The following CUL5 variants were observed in gnomAD, a reference collection of about 807,000 sequenced individuals.
The protein encoded by CUL5 is cullin-5.
CUL5 carries 26 observed loss-of-function variants against 108.8 expected under a neutral mutation model. That is an observed-to-expected ratio of 0.24 (90% CI 0.18 to 0.33). The LOEUF (loss-of-function observed/expected upper bound fraction) is 0.33. Ranked by LOEUF, CUL5 falls within the 10% of genes least tolerant of loss-of-function variation. The pLI is 1.00. For synonymous variants in CUL5, 334 were observed against 298.0 expected, an observed-to-expected ratio of 1.12 and a Z score of -1.25; for missense variants, 524 against 909.2, an observed-to-expected ratio of 0.58 and a Z score of 5.45.
At chr11:108,094,702 T>G in intron 14 of CUL5, 110 bp from the exon 15 acceptor site, 2 of 954,658 alleles carry the variant, frequency 2.1e-6, no homozygotes, top group South Asian at 4.0e-5. Flanking sequence ...AGGACACTTT[T>G]AACAAAATCT....
chr11:108,051,526 A>G (rs1863220417), intron 4 of CUL5, among the ~76,000 whole-genome samples: 1 of 152,248 alleles, frequency 6.6e-6, no homozygotes, highest in Non-Finnish European at 1.5e-5. Flanking sequence ...TCCCAGGTAT[A>G]GAATGAGTGT....
chr11:108,066,887 A>T (rs1863697536), intron 7 of CUL5, among the ~76,000 whole-genome samples: 1 of 152,206 alleles, frequency 6.6e-6, no homozygotes, highest in South Asian at 2.1e-4. Flanking sequence ...TTAGGTATAT[A>T]GTTTATGGGT....
Position 108,058,358 on chromosome 11 carries a change from C to T in CUL5, c.780+3403C>T, listed in dbSNP as rs370900898. ...CTGCTTCCCAGGTTCATGTGATTCT[C>T]ATGCCTCAGCCTCCCGAGTAGCTGG... On this transcript the variant is annotated intron_variant, in intron 7 of 18. Transcript: ENST00000393094. Among the ~76,000 whole-genome samples, 3 of 137,938 alleles carry T rather than the reference C, an allele frequency of 2.2e-5. No homozygotes were observed. In the East Asian group the frequency reaches 7.6e-4, roughly 35 times the overall value. The allele number at this position is 137,938 out of a possible 152,430, so 90.5% of individuals were successfully genotyped here. A position where few individuals can be genotyped will look rare whatever the true frequency, so the allele number is the denominator to read the frequency against.
chr11:108,070,691 TA>T lies in CUL5; in HGVS notation c.874+513del, dbSNP rs35066482. Reference sequence around the variant, plus strand: ...GAGAGGTAGCAAGTATATAACAAACTAAAAAAAAAAATTGTACATATACCTA... The same window carrying T: ...GAGAGGTAGCAAGTATATAACAAACTAAAAAAAAAATTGTACATATACCTA... On this transcript the variant is annotated intron_variant, in intron 8 of 18. Coordinates refer to ENST00000393094, the MANE Select transcript of CUL5 (RefSeq NM_003478.6). 1.5e-4 allele frequency among the ~76,000 whole-genome samples: 22 copies of T among 148,032 alleles called. No homozygotes were observed. In the East Asian group the frequency reaches 1.8e-3, roughly 12 times the overall value.
At chr11:108,081,213 G>A (rs909317263) in intron 11 of CUL5, among the ~76,000 whole-genome samples, 9 of 151,932 alleles carry the variant, frequency 5.9e-5, no homozygotes, top group African/African-American at 2.2e-4. Context: ...GTCAGAATCT[G>A]GGAGGTGGAG....
chr11:108,020,593 G>C (rs1862305636), intron 1 of CUL5, among the ~76,000 whole-genome samples: 1 of 151,642 alleles, frequency 6.6e-6, no homozygotes, highest in Admixed American at 6.6e-5. Flanking sequence ...CGTTGCCCAG[G>C]CTGGTCTCAA....
At chr11:108,045,707 A>G (rs975466077) in intron 2 of CUL5, among the ~76,000 whole-genome samples, 28 of 151,772 alleles carry the variant, frequency 1.8e-4, no homozygotes, top group Non-Finnish European at 3.7e-4. Context: ...AACAAAATTT[A>G]AAAAAAAATT....
chr11:108,023,896 G>C (rs1862389627), intron 1 of CUL5, among the ~76,000 whole-genome samples: 3 of 152,130 alleles, frequency 2.0e-5, no homozygotes, highest in Non-Finnish European at 4.4e-5. Flanking sequence ...AGTGGAAAGA[G>C]ATATTTAACT....
intron 2 of CUL5, among the ~76,000 whole-genome samples, chr11:108,037,403 C>T (rs1460661923): frequency 6.6e-6 from 1 of 152,190 alleles, no homozygotes; most frequent in Non-Finnish European, 1.5e-5. Flanking sequence ...TGTTGGCAAT[C>T]CCAAGGTCAC....
At chr11:108,062,540 A>G (rs1267763629) in intron 7 of CUL5, among the ~76,000 whole-genome samples, 2 of 148,426 alleles carry the variant, frequency 1.3e-5, no homozygotes, top group Admixed American at 6.7e-5. Context: ...AATTATAAAT[A>G]TATAAAATTA....
intron 11 of CUL5, among the ~76,000 whole-genome samples, chr11:108,081,894 G>A (rs1035722423): frequency 6.6e-6 from 1 of 152,252 alleles, no homozygotes; most frequent in African/African-American, 2.4e-5. Flanking sequence ...AAAGCAAGAT[G>A]TGTGCATGTT....
intron 13 of CUL5, among the ~76,000 whole-genome samples, chr11:108,091,732 C>CACACACACACACACA (rs1555024090): frequency 4.7e-5 from 7 of 149,904 alleles, no homozygotes; most frequent in African/African-American, 1.2e-4. Context: ...CACACACACA[C>CACACACACACACACA]GACAAATAAT....
chr11:108,045,727 G>A (rs895208302), intron 2 of CUL5, among the ~76,000 whole-genome samples: 1 of 152,150 alleles, frequency 6.6e-6, no homozygotes, highest in Admixed American at 6.6e-5. Flanking sequence ...TAGGCGTGGT[G>A]GCATGCTCCT....
chr11:108,072,551 G>T, intron 9 of CUL5, 89 bp downstream of exon 9: 1 of 1,152,518 alleles, frequency 8.7e-7, no homozygotes, highest in Non-Finnish European at 1.2e-6. Flanking sequence ...GGTTACCAGA[G>T]GCTGGGGGTT....
intron 1 of CUL5, among the ~76,000 whole-genome samples, chr11:108,015,165 C>G (rs1175664889): frequency 6.6e-6 from 1 of 152,110 alleles, no homozygotes; most frequent in African/African-American, 2.4e-5. Context: ...TCCCAAAGTG[C>G]TGGGATTACA....
intron 18 of CUL5, among the ~76,000 whole-genome samples, chr11:108,100,663 T>G (rs964689748): frequency 2.0e-5 from 3 of 152,182 alleles, no homozygotes; most frequent in Non-Finnish European, 4.4e-5. Flanking sequence ...CTAAGTGGTG[T>G]TGGGAAATTT....
In CUL5 at chr11:108,097,728, C is replaced by T. The variant is rs1864535073; in HGVS notation, c.1998C>T (p.Phe666=). 6.2e-7 allele frequency: 1 copy of T among 1,606,046 alleles called. No homozygotes were observed. The highest frequency in any genetic ancestry group is 8.5e-7 in the Non-Finnish European group (1 of 1,172,906). Residue 666 remains phenylalanine (F), a synonymous_variant, in exon 17 of 19, where the codon TTC becomes TTT. Coordinates refer to ENST00000393094, the MANE Select transcript of CUL5 (RefSeq NM_003478.6). The stretch of plus-strand genomic sequence containing the variant: ...AAGACTTTACAGAAGGTACCCTCTT[C>T]TCAGTGAACCAGGAGTTCAGTTTAA... ...SPKDFTEGTL[F]SVNQEFSLIK...
At chr11:108,078,666 C>CT (rs1445859655) in intron 11 of CUL5, among the ~76,000 whole-genome samples, 1 of 152,078 alleles carries the variant, frequency 6.6e-6, no homozygotes, top group Non-Finnish European at 1.5e-5. Context: ...TATAGAAAAT[C>CT]TGACAACTGG....
chr11:108,039,676 T>G lies in CUL5; in HGVS notation c.134+5765T>G, dbSNP rs545329731. On this transcript the variant is annotated intron_variant, in intron 2 of 18. Coordinates refer to ENST00000393094, the MANE Select transcript of CUL5 (RefSeq NM_003478.6). The stretch of plus-strand genomic sequence containing the variant: ...CTCCATTTTAGTTTCCATCTATGAA[T>G]TTGCTTATCTAGATAACTCATATAA... Among the ~76,000 whole-genome samples the G allele has an allele frequency of 3.3e-5, 5 of 152,336 alleles. No homozygotes were observed. In the South Asian group the frequency reaches 1.0e-3, roughly 32 times the overall value.
Sources: gnomAD v4.1 joint callset for allele counts (sites outside exome capture counted in the v4.1 genomes callset) on GRCh38, gnomAD v4.1.1 for gene constraint, MANE v1.5 for transcripts, NCBI Gene and HGNC (gene_info 2026-07-23, HGNC 2026-07-21) for gene names.